The following GNAS variants were observed in gnomAD, a reference collection of about 807,000 sequenced individuals.
GNAS encodes the protein GNAS complex locus.
Under a neutral mutation model 54.5 loss-of-function variants are expected in GNAS, and 8 were observed. The ratio of observed to expected loss-of-function variants is 0.15; its 90% CI spans 0.09 to 0.26. The LOEUF (loss-of-function observed/expected upper bound fraction) is 0.26. GNAS is among the 10% of genes least tolerant of loss of function. The probability of loss-of-function intolerance (pLI) is 1.00; values close to 1 mark genes in which losing one functional copy is unlikely to be tolerated. For missense variants in GNAS, 170 were observed against 529.8 expected (o/e 0.32, Z 6.67); for synonymous variants, 204 against 191.4 (o/e 1.07, Z -0.54).
upstream of GNAS, chr20:58,889,612 C>G (rs1214624522): frequency 6.6e-6 from 1 of 152,350 alleles, no homozygotes; most frequent in Admixed American, 6.6e-5. Context: ...TTTCTTGGTG[C>G]TTTTTGGTTT....
intron 1 of GNAS, among the ~76,000 whole-genome samples, chr20:58,894,523 AG>A (rs1273327584): frequency 1.3e-5 from 2 of 152,248 alleles, no homozygotes; most frequent in Non-Finnish European, 2.9e-5. Context: ...AGAAAGAAAA[AG>A]GTAATAACAG....
In GNAS at chr20:58,842,087, A is replaced by T. The variant is rs1600662710; in HGVS notation, c.43+1201A>T. 11 of 405,634 alleles carry T rather than the reference A, an allele frequency of 2.7e-5. No individual in the cohort carries two copies. The East Asian group carries it at 3.9e-4, about 14-fold the overall frequency. 25.1% of individuals were successfully genotyped at this position (405,634 alleles called of 1,614,324 possible). On this transcript the variant is annotated intron_variant, in intron 1 of 12. Transcript: ENST00000306090. ...GGAGGCGAGGCGGCGTGCTCCGGCC[A>T]TTTTCAGCACGGGTAGAGTTAAGTT...
rs549481398 is a variant in GNAS, at chr20:58,909,819, C to T, written c.839+15C>T. 1.5e-5 allele frequency: 24 copies of T among 1,612,802 alleles called. No homozygotes were observed. The highest frequency in any genetic ancestry group is 8.8e-5 in the South Asian group (8 of 91,038). On this transcript the variant is annotated intron_variant, in intron 10 of 12. Transcript: ENST00000371085. The surrounding 1 kb of genome is among the most constrained non-coding windows in gnomAD (Gnocchi z 7.3). ...TGGAACAACAGGTTTGTGGAGTGACCGCCCACCCCCTGCGCTTGCCCAGGA... is the reference window on the plus strand; with the variant it reads ...TGGAACAACAGGTTTGTGGAGTGACTGCCCACCCCCTGCGCTTGCCCAGGA...
chr20:58,898,628 A>G, intron 2 of GNAS: 1 of 492,318 alleles, frequency 2.0e-6, no homozygotes, highest in Non-Finnish European at 3.7e-6. Flanking sequence ...TTAGCTCCCT[A>G]ATGCGTGTAC....
chr20:58,871,539 G>C (rs1312961916), intron 1 of GNAS, among the ~76,000 whole-genome samples: 1 of 150,960 alleles, frequency 6.6e-6, no homozygotes, highest in Non-Finnish European at 1.5e-5. Context: ...GCTTGAACCC[G>C]GGAGGCAGGG....
chr20:58,882,829 C>T (rs2088329166), intron 1 of GNAS: 1 of 152,120 alleles, frequency 6.6e-6, no homozygotes, highest in Non-Finnish European at 1.5e-5. Flanking sequence ...AGAGGGGCTG[C>T]AAAACAATAT....
At chr20:58,843,012 A>T (rs2085796502) in intron 1 of GNAS, among the ~76,000 whole-genome samples, 1 of 152,198 alleles carries the variant, frequency 6.6e-6, no homozygotes, top group African/African-American at 2.4e-5. Context: ...ACAGAAGCCC[A>T]ACATAGGGAT....
intron 1 of GNAS, chr20:58,855,986 C>T (rs972703012): frequency 9.8e-5 from 26 of 264,556 alleles, no homozygotes; most frequent in Non-Finnish European, 1.5e-4. Flanking sequence ...TGCGCCCGGG[C>T]GCTCTGCGGC....
upstream of GNAS, chr20:58,840,161 G>A (rs746736450): frequency 2.5e-6 from 4 of 1,611,714 alleles, no homozygotes; most frequent in East Asian, 4.5e-5. The surrounding 1 kb of genome is among the most constrained non-coding windows in gnomAD (Gnocchi z 6.0). Flanking sequence ...TAATTACAAC[G>A]ACCTGTGCCC....
intron 2 of GNAS, among the ~76,000 whole-genome samples, chr20:58,896,858 C>T (rs997943338): frequency 6.6e-6 from 1 of 151,934 alleles, no homozygotes; most frequent in African/African-American, 2.4e-5. Flanking sequence ...AAGGTGGTAG[C>T]GTTTAATTAT....
At chr20:58,842,378 A>C (rs2085772796) in intron 1 of GNAS, 1 of 398,154 alleles carries the variant, frequency 2.5e-6, no homozygotes, top group Non-Finnish European at 4.4e-6. Context: ...GCTTGAGATG[A>C]ATGACGGTCA....
intron 1 of GNAS, among the ~76,000 whole-genome samples, chr20:58,880,462 T>C (rs1315449649): frequency 6.6e-6 from 1 of 152,158 alleles, no homozygotes; most frequent in Non-Finnish European, 1.5e-5. Flanking sequence ...AGGTCAAGAA[T>C]TGATGACTTA....
intron 1 of GNAS, among the ~76,000 whole-genome samples, chr20:58,867,885 A>G (rs2145680547): frequency 6.6e-6 from 1 of 152,302 alleles, no homozygotes; most frequent in East Asian, 1.9e-4. Context: ...GGACAGGGAC[A>G]GCTTGAGAAA....
intron 1 of GNAS, chr20:58,864,240 T>C (rs2086916744): frequency 1.3e-5 from 2 of 152,230 alleles, no homozygotes; most frequent in Non-Finnish European, 2.9e-5. Flanking sequence ...TTAAAATCTA[T>C]GGTTATGTAA....
intron 1 of GNAS, among the ~76,000 whole-genome samples, chr20:58,893,801 A>T (rs1389702941): frequency 6.6e-6 from 1 of 152,262 alleles, no homozygotes; most frequent in African/African-American, 2.4e-5. Context: ...CTATCTCAGT[A>T]CTACTTTAAG....
At chr20:58,881,078 T>C (rs924439586) in intron 1 of GNAS, among the ~76,000 whole-genome samples, 1 of 152,248 alleles carries the variant, frequency 6.6e-6, no homozygotes, top group East Asian at 1.9e-4. Context: ...AACTAACTTA[T>C]GGTATCTTGT....
chr20:58,847,973 C>G (rs557967402), intron 1 of GNAS, among the ~76,000 whole-genome samples: 1 of 152,214 alleles, frequency 6.6e-6, no homozygotes, highest in Non-Finnish European at 1.5e-5. Context: ...GCATCACGTG[C>G]GGCTTCCAAG....
intron 6 of GNAS, among the ~76,000 whole-genome samples, chr20:58,907,028 C>A (rs1206145118): frequency 6.6e-6 from 1 of 152,070 alleles, no homozygotes; most frequent in Non-Finnish European, 1.5e-5. Flanking sequence ...CTAATCAGAA[C>A]CAAGGTGCCA....
At chr20:58,905,289 A>G in intron 5 of GNAS, 94 bp from the exon 6 acceptor site, 1 of 786,128 alleles carries the variant, frequency 1.3e-6, no homozygotes, top group Non-Finnish European at 2.3e-6. Flanking sequence ...AGTGTCGGTC[A>G]CATAGGGAAC....
Sources: gnomAD v4.1 joint callset for allele counts (sites outside exome capture counted in the v4.1 genomes callset) on GRCh38, gnomAD v4.1.1 for gene constraint, Gnocchi (gnomAD v3.1) non-coding constraint, MANE v1.5 for transcripts, NCBI Gene and HGNC (gene_info 2026-07-23, HGNC 2026-07-21) for gene names.